The following FNTA variants were observed in gnomAD, a reference collection of about 807,000 sequenced individuals.
FNTA encodes the protein protein farnesyltransferase/geranylgeranyltransferase type-1 subunit alpha.
FNTA carries 27 observed loss-of-function variants against 55.2 expected under a neutral mutation model. That is an observed-to-expected ratio of 0.49 (90% CI 0.36 to 0.67). FNTA has a LOEUF of 0.67. Among genes scored for constraint, FNTA ranks in the 30% least tolerant of loss-of-function variants. FNTA has a pLI of 0.00. For missense variants in FNTA, 422 were observed against 464.7 expected (o/e 0.91, Z 0.85); for synonymous variants, 176 against 170.7 (o/e 1.03, Z -0.24).
chr8:43,074,701 T>C (rs1810870226), intron 5 of FNTA, among the ~76,000 whole-genome samples: 1 of 152,122 alleles, frequency 6.6e-6, no homozygotes, highest in African/African-American at 2.4e-5. Context: ...GATAATATCC[T>C]TGAAACAGCA....
At chr8:43,068,355 T>G (rs779073234) in intron 3 of FNTA, among the ~76,000 whole-genome samples, 3 of 152,142 alleles carry the variant, frequency 2.0e-5, no homozygotes, top group Non-Finnish European at 2.9e-5. Flanking sequence ...ATTTTTGAAA[T>G]TTTGAAGTAA....
At chr8:43,071,269 C>A (rs777601156) in intron 4 of FNTA, among the ~76,000 whole-genome samples, 1 of 152,054 alleles carries the variant, frequency 6.6e-6, no homozygotes, top group Non-Finnish European at 1.5e-5. Flanking sequence ...ACAACCATCA[C>A]CATAGTGAGT....
chr8:43,069,966 C>T (rs1344134620), intron 4 of FNTA: 2 of 200,294 alleles, frequency 1.0e-5, no homozygotes, highest in Admixed American at 1.1e-4. Flanking sequence ...TAAAAACTAC[C>T]ACTGTAGCCA....
chr8:43,078,213 C>A, intron 6 of FNTA: 1 of 152,288 alleles, frequency 6.6e-6, no homozygotes, highest in Non-Finnish European at 1.5e-5. Flanking sequence ...ACACTCTGCT[C>A]TGGGCTTTTG....
At chr8:43,069,931 A>G (rs1810749139) in intron 4 of FNTA, among the ~76,000 whole-genome samples, 1 of 151,862 alleles carries the variant, frequency 6.6e-6, no homozygotes, top group Non-Finnish European at 1.5e-5. Context: ...GGTATGAGCC[A>G]TTGCGCCTGG....
intron 2 of FNTA, among the ~76,000 whole-genome samples, chr8:43,061,648 A>T (rs538255065): frequency 6.6e-6 from 1 of 152,360 alleles, no homozygotes; most frequent in Non-Finnish European, 1.5e-5. Flanking sequence ...TATAACATGA[A>T]CAGATCTCAG....
At chr8:43,061,900 G>A (rs1304184346) in intron 2 of FNTA, among the ~76,000 whole-genome samples, 1 of 151,992 alleles carries the variant, frequency 6.6e-6, no homozygotes, top group East Asian at 1.9e-4. Context: ...TGCATTTTTA[G>A]TAGAGACGGG....
rs542021537 is a variant in FNTA at position 43,085,171 on chromosome 8, C to T, written c.1029C>T (p.Ile343=). Residue 343 remains isoleucine (I), a synonymous_variant, in exon 9 of 9, where the codon ATC becomes ATT. Transcript: ENST00000302279. ...TTTTTCATTTTCAGTTATGTGAAAT[C>T]CTAGCTAAAGAAAAGGACACTATAA... ...ILNKALELCE[I]LAKEKDTIRK... is the part of the protein sequence containing the mutation. 2 of 1,541,834 alleles carry T rather than the reference C, an allele frequency of 1.3e-6. No individual in the cohort carries two copies. Among genetic ancestry groups the T allele is most frequent in the East Asian group, 2.3e-5 (1 of 44,296 alleles).
At chr8:43,085,001 T>C (rs1811098191) in intron 8 of FNTA, 120 bp downstream of exon 8, 1 of 1,186,406 alleles carries the variant, frequency 8.4e-7, no homozygotes, top group Non-Finnish European at 1.2e-6. Flanking sequence ...GGGCTATTTC[T>C]GGTTAGGGGC....
rs966693640 is a variant in FNTA at position 43,066,726 on chromosome 8, GA to G, written c.401+2516del. On this transcript the variant is annotated intron_variant, in intron 3 of 8. Transcript: ENST00000302279. ...CTCTTTATGCGTATAAGAGAGACAG[GA>G]AAAATCCTGATTGGAAGCCCTGTGT... is the stretch of plus-strand genomic sequence containing the variant. 1.8e-4 allele frequency among the ~76,000 whole-genome samples: 27 copies of G among 152,076 alleles called. 1 individual carries two copies. The highest frequency in any genetic ancestry group is 1.6e-3 in the Admixed American group (24 of 15,264).
chr8:43,075,741 G>A (rs1449859163), intron 5 of FNTA, among the ~76,000 whole-genome samples: 3 of 152,164 alleles, frequency 2.0e-5, no homozygotes, highest in East Asian at 1.9e-4. Context: ...GCTTGAGTCT[G>A]GGAGTTGGAG....
At chr8:43,068,269 C>T (rs1810705827) in intron 3 of FNTA, among the ~76,000 whole-genome samples, 1 of 152,158 alleles carries the variant, frequency 6.6e-6, no homozygotes, top group Admixed American at 6.5e-5. Context: ...GCCTCAGCCT[C>T]CCAAAGTTAG....
chr8:43,084,790 C>T lies in FNTA; in HGVS notation c.926C>T (p.Pro309Leu). The change falls in exon 8 of 9, where the codon CCC (proline) becomes CTC (leucine). Residue 309 changes from proline (P) to leucine (L), a missense_variant. Physicochemically the swap from Pro to Leu is moderately conservative, Grantham distance 98 (BLOSUM62 -3). Around this residue, in one of 2 missense-constraint regions of FNTA, gnomAD observed 262 missense variants for 343.1 expected, o/e 0.76. Transcript: ENST00000302279. ...LLDLQPSHSS[P>L]YLIAFLVDIY... ...GATTTACAACCAAGTCATAGTTCCC[C>T]CTACCTAATTGCCTTTCTTGTGGAT... 1 of 1,613,372 alleles carries T rather than the reference C, an allele frequency of 6.2e-7. No individual in the cohort carries two copies. Among genetic ancestry groups the T allele is most frequent in the Non-Finnish European group, 8.5e-7 (1 of 1,179,374 alleles).
chr8:43,069,776 C>G (rs1586657059), intron 4 of FNTA, 117 bp downstream of exon 4: 2 of 644,420 alleles, frequency 3.1e-6, no homozygotes, highest in East Asian at 5.6e-5. Flanking sequence ...TCCTGGGTAG[C>G]TGGGATTACA....
chr8:43,066,262 C>CTT (rs36087115), intron 3 of FNTA, among the ~76,000 whole-genome samples: 4 of 140,882 alleles, frequency 2.8e-5, no homozygotes, highest in Non-Finnish European at 6.2e-5. Flanking sequence ...TGTGAATATG[C>CTT]TTTTTTTTTT....
chr8:43,068,296 C>G (rs944832285), intron 3 of FNTA, among the ~76,000 whole-genome samples: 1 of 152,140 alleles, frequency 6.6e-6, no homozygotes. Context: ...ATTTTAAAAG[C>G]TAATAAAATT....
chr8:43,085,005 TA>T (rs1274690906), intron 8 of FNTA, 124 bp downstream of exon 8: 1 of 1,166,224 alleles, frequency 8.6e-7, no homozygotes, highest in Non-Finnish European at 1.2e-6. Context: ...TATTTCTGGT[TA>T]GGGGCAGCAT....
At chr8:43,057,222 C>T (rs1810429858) in intron 1 of FNTA, 1 of 152,218 alleles carries the variant, frequency 6.6e-6, no homozygotes, top group Admixed American at 6.5e-5. Flanking sequence ...TCCATCAGTT[C>T]TTTGCTTTCA....
In FNTA at chr8:43,056,355, C is replaced by T. The variant is rs1418192315; in HGVS notation, c.9C>T (p.Ala3=). ...CTGCGGACCGAGGCGAGATGGCGGC[C>T]ACCGAGGGGGTCGGGGAGGCTGCGC... is the stretch of plus-strand genomic sequence containing the variant. MA[A]TEGVGEAAQG... The change falls in exon 1 of 9, where the codon GCC becomes GCT. Residue 3 remains alanine (A), a synonymous_variant. Coordinates refer to ENST00000302279, the MANE Select transcript of FNTA (RefSeq NM_002027.3). The T allele has an allele frequency of 1.4e-6, 2 of 1,422,230 alleles. No homozygotes were observed. The highest frequency in any genetic ancestry group is 1.5e-5 in the African/African-American group (1 of 66,746). The allele number at this position is 1,422,230 out of a possible 1,614,324, so 88.1% of individuals were successfully genotyped here.
Sources: gnomAD v4.1 joint callset for allele counts (sites outside exome capture counted in the v4.1 genomes callset) on GRCh38, gnomAD v4.1.1 for gene constraint, gnomAD v4.1.1 regional missense constraint, MANE v1.5 for transcripts, NCBI Gene and HGNC (gene_info 2026-07-23, HGNC 2026-07-21) for gene names.